Variants in CEP164 observed in about 807,000 individuals in gnomAD.
CEP164 encodes centrosomal protein of 164 kDa.
A neutral mutation model predicts 182.7 loss-of-function variants in CEP164; 162 were observed. That is an observed-to-expected ratio of 0.89 (90% CI 0.78 to 1.01). The LOEUF is 1.01. Ranked by LOEUF, CEP164 falls within the 50% of genes least tolerant of loss-of-function variation. CEP164 has a pLI of 0.00. For synonymous variants in CEP164, 661 were observed against 690.0 expected (o/e 0.96, Z 0.66); for missense variants, 1,735 against 1,790.4 (o/e 0.97, Z 0.56).
chr11:117,365,931 G>C (rs528617263), intron 8 of CEP164, among the ~76,000 whole-genome samples: 44 of 152,144 alleles, frequency 2.9e-4, no homozygotes, highest in African/African-American at 9.9e-4. Flanking sequence ...TGCTTCTTTG[G>C]GGGGAGTGGG....
intron 5 of CEP164, chr11:117,355,755 A>T (rs1301245993): frequency 8.9e-7 from 1 of 1,127,602 alleles, no homozygotes; most frequent in Admixed American, 4.0e-5. Flanking sequence ...GTCAATAAGG[A>T]TATCCCAGGA....
At chr11:117,333,281 T>A in intron 1 of CEP164, among the ~76,000 whole-genome samples, 1 of 151,582 alleles carries the variant, frequency 6.6e-6, no homozygotes, top group East Asian at 2.0e-4. Flanking sequence ...CAAAGCCCTG[T>A]TATTACAGGT....
intron 5 of CEP164, chr11:117,356,308 G>C: frequency 8.9e-7 from 1 of 1,120,934 alleles, no homozygotes; most frequent in Non-Finnish European, 1.1e-6. Context: ...GGCTGCCTGA[G>C]AGCATGCAGG....
rs570574355 is a variant in CEP164 at position 117,394,570 on chromosome 11, G to A, written c.2760+77G>A. ...GGAAGGTGCTGGGAGCAGACGCATG[G>A]CCCCAGCAGGATGCAGCCTGACAGC... On this transcript the variant is annotated intron_variant, in intron 21 of 32. Transcript: ENST00000278935. This position sits in a 1 kb window ranked among gnomAD's most constrained non-coding sequence, Gnocchi z 4.0. The A allele has an allele frequency of 4.6e-6, 7 of 1,538,060 alleles. 1 individual carries two copies. The South Asian group carries it at 6.0e-5, about 13-fold the overall frequency.
chr11:117,392,481 C>G lies in CEP164; in HGVS notation c.2362-15C>G. On this transcript the variant is annotated splice_polypyrimidine_tract_variant and intron_variant, in intron 18 of 32. Transcript: ENST00000278935. ...TGAGGGTCACACTCCCCTGTGTGTGCGGGGGCCTCCTCAGGTGGTCTCCAG... is the reference window on the plus strand; with the variant it reads ...TGAGGGTCACACTCCCCTGTGTGTGGGGGGGCCTCCTCAGGTGGTCTCCAG... 6.2e-7 allele frequency: 1 copy of G among 1,609,638 alleles called. No individual in the cohort carries two copies.
chr11:117,381,992 TG>T (rs1319557366), intron 13 of CEP164, 124 bp downstream of exon 13: 1 of 666,674 alleles, frequency 1.5e-6, no homozygotes, highest in African/African-American at 2.0e-5. Context: ...AGTGGGGAGC[TG>T]GGGCGGGTTT....
intron 5 of CEP164, chr11:117,355,739 A>G: frequency 8.7e-7 from 1 of 1,147,770 alleles, no homozygotes; most frequent in Non-Finnish European, 1.1e-6. Flanking sequence ...ACAGGTCTCC[A>G]AGCTTGTCAA....
rs1270766012 is a variant in CEP164 at position 117,409,620 on chromosome 11, G to T, written c.3751G>T (p.Asp1251Tyr). ...HREWWRQQRIDSTPSLTSRKI... is the reference protein window; with the variant it reads ...HREWWRQQRIYSTPSLTSRKI... ...ACCATCCACCTCTTTTCTTTCAGTCGACTCAACCCCGAGTCTCACCTCCCG... is the reference window on the plus strand; with the variant it reads ...ACCATCCACCTCTTTTCTTTCAGTCTACTCAACCCCGAGTCTCACCTCCCG... The change falls in exon 30 of 33, where the codon GAC becomes TAC. Residue 1251 changes from aspartate to tyrosine, a missense_variant and splice_region_variant. Transcript: ENST00000278935. This position sits in a 1 kb window ranked among gnomAD's most constrained non-coding sequence, Gnocchi z 4.4. 3 of 1,603,190 alleles carry T rather than the reference G, an allele frequency of 1.9e-6. No homozygotes were observed. The highest frequency in any genetic ancestry group is 4.5e-5 in the East Asian group (2 of 44,582).
At chr11:117,390,667 A>G in intron 15 of CEP164, 110 bp from the exon 16 acceptor site, 1 of 1,363,398 alleles carries the variant, frequency 7.3e-7, no homozygotes, top group Non-Finnish European at 1.0e-6. Flanking sequence ...AGATTTAGGA[A>G]GTTTCTTAGG....
At chr11:117,334,784 C>CA (rs5795074) in intron 1 of CEP164, among the ~76,000 whole-genome samples, 9,018 of 102,876 alleles carry the variant, frequency 0.088, 511 homozygotes, top group Middle Eastern at 0.1. Flanking sequence ...GACTTCGTTT[C>CA]AAAAAAAAAA....
intron 1 of CEP164, among the ~76,000 whole-genome samples, chr11:117,334,643 A>G (rs2036750875): frequency 6.6e-6 from 1 of 152,062 alleles, no homozygotes; most frequent in African/African-American, 2.4e-5. Flanking sequence ...GAGATTAGCC[A>G]GGCATGGTGG....
chr11:117,397,119 C>G lies in CEP164; in HGVS notation c.3307C>G (p.Leu1103Val), dbSNP rs1260187504. 1 of 1,614,190 alleles carries G rather than the reference C, an allele frequency of 6.2e-7. No homozygotes were observed. The highest frequency in any genetic ancestry group is 1.1e-5 in the South Asian group (1 of 91,088). ...SLSSHNVWHL[L>V]SAEGVALRSA... Reference sequence around the variant, plus strand: ...GTCCTCCCACAATGTCTGGCACCTCCTCTCTGCTGAGGGGGTAGCCCTCCG... The same window carrying G: ...GTCCTCCCACAATGTCTGGCACCTCGTCTCTGCTGAGGGGGTAGCCCTCCG... Residue 1103 changes from leucine to valine, a missense_variant, in exon 27 of 33, where the codon CTC (leucine) becomes GTC (valine). Coordinates refer to ENST00000278935, the MANE Select transcript of CEP164 (RefSeq NM_014956.5).
At chr11:117,365,442 G>C (rs1328672190) in intron 8 of CEP164, among the ~76,000 whole-genome samples, 4 of 152,208 alleles carry the variant, frequency 2.6e-5, no homozygotes, top group Non-Finnish European at 5.9e-5. Flanking sequence ...CCTGCTGTCA[G>C]CTGGTGGATG....
Position 117,411,981 on chromosome 11 carries a change from G to A in CEP164, c.4286+64G>A. ...GGGGACTGTGCTTGTGCCCTGAGGG[G>A]CTGAGGAGGATCCTGTTCAGCCTTT... On this transcript the variant is annotated intron_variant, in intron 32 of 32. Coordinates refer to ENST00000278935, the MANE Select transcript of CEP164 (RefSeq NM_014956.5). The surrounding 1 kb of genome is among the most constrained non-coding windows in gnomAD (Gnocchi z 4.4). 6.2e-7 allele frequency: 1 copy of A among 1,611,118 alleles called. No homozygotes were observed. Among genetic ancestry groups the A allele is most frequent in the Non-Finnish European group, 8.5e-7 (1 of 1,178,310 alleles).
rs560342451 is a variant in CEP164, at chr11:117,396,572, C to G, written c.3239C>G (p.Ser1080Cys). ...LGTNQTKEVSSSLSQSKEDLY... is the reference protein window; with the variant it reads ...LGTNQTKEVSCSLSQSKEDLY... ...TAGAACCAGACCAAAGAGGTGTCTT[C>G]TTCTCTCTCCCAGAGCAAGGAGGAC... The change falls in exon 26 of 33, where the codon TCT becomes TGT. Residue 1080 changes from serine to cysteine, a missense_variant. Ser to Cys is a moderately radical substitution (Grantham distance 112). Coordinates refer to ENST00000278935, the MANE Select transcript of CEP164 (RefSeq NM_014956.5). The G allele has an allele frequency of 2.5e-6, 4 of 1,613,838 alleles. No individual in the cohort carries two copies. The highest frequency in any genetic ancestry group is 3.4e-6 in the Non-Finnish European group (4 of 1,179,712).
chr11:117,370,120 C>T (rs1420387131), intron 8 of CEP164, among the ~76,000 whole-genome samples: 2 of 151,944 alleles, frequency 1.3e-5, no homozygotes, highest in African/African-American at 4.8e-5. Context: ...AGTCTGGAGG[C>T]TCTGCTCACT....
At chr11:117,376,264 T>C (rs940253967) in intron 11 of CEP164, among the ~76,000 whole-genome samples, 2 of 151,700 alleles carry the variant, frequency 1.3e-5, no homozygotes, top group African/African-American at 2.4e-5. Flanking sequence ...GAGGTTCACC[T>C]CTGACACCTC....
chr11:117,399,483 C>T (rs2045905009), intron 27 of CEP164, among the ~76,000 whole-genome samples: 1 of 152,104 alleles, frequency 6.6e-6, no homozygotes, highest in Non-Finnish European at 1.5e-5. Flanking sequence ...GTTTATAATC[C>T]TTTGGGTATA....
In CEP164 at chr11:117,392,562, T is replaced by C. The variant is rs760314582; in HGVS notation, c.2428T>C (p.Cys810Arg). The C allele has an allele frequency of 1.2e-6, 2 of 1,614,168 alleles. No individual in the cohort carries two copies. The highest frequency in any genetic ancestry group is 2.2e-5 in the South Asian group (2 of 91,080). The change falls in exon 19 of 33, where the codon TGC (cysteine) becomes CGC (arginine). Residue 810 changes from cysteine (C) to arginine (R), a missense_variant. Physicochemically the swap from Cys to Arg is radical, Grantham distance 180 (BLOSUM62 -3). Transcript: ENST00000278935. ...GAAAGAGGAGGCCCAGCTGCAGAAGTGCCTTGGGCAAGTGGAGCACAGAGT... is the reference window on the plus strand; with the variant it reads ...GAAAGAGGAGGCCCAGCTGCAGAAGCGCCTTGGGCAAGTGGAGCACAGAGT... ...QQKEEAQLQKCLGQVEHRVHQ... is the reference protein window; with the variant it reads ...QQKEEAQLQKRLGQVEHRVHQ...
Sources: gnomAD v4.1 joint callset for allele counts (sites outside exome capture counted in the v4.1 genomes callset) on GRCh38, gnomAD v4.1.1 for gene constraint, Gnocchi (gnomAD v3.1) non-coding constraint, MANE v1.5 for transcripts, NCBI Gene and HGNC (gene_info 2026-07-23, HGNC 2026-07-21) for gene names.